LRRC4B: variants seen among roughly 807,000 people sequenced by gnomAD.
LRRC4B encodes the protein leucine rich repeat containing 4B.
A neutral mutation model predicts 7.3 loss-of-function variants in LRRC4B; 1 was observed. The ratio of observed to expected loss-of-function variants is 0.14; its 90% CI spans 0.05 to 0.65. The LOEUF is 0.65. Ranked by LOEUF, LRRC4B falls within the 30% of genes least tolerant of loss-of-function variation. The probability of loss-of-function intolerance (pLI) is 0.84; values close to 1 mark genes in which losing one functional copy is unlikely to be tolerated. For missense variants in LRRC4B, 730 were observed against 1,041.6 expected (o/e 0.70, Z 4.12); for synonymous variants, 500 against 499.2 (o/e 1.00, Z -0.02).
chr19:50,543,721 T>C (rs892818666), intron 2 of LRRC4B, among the ~76,000 whole-genome samples: 4 of 150,058 alleles, frequency 2.7e-5, no homozygotes, highest in African/African-American at 7.4e-5. Flanking sequence ...AGTGTCGTGG[T>C]GGGCACCTGT....
At chr19:50,545,880 T>C (rs1331482201) in intron 2 of LRRC4B, among the ~76,000 whole-genome samples, 1 of 151,868 alleles carries the variant, frequency 6.6e-6, no homozygotes, top group African/African-American at 2.4e-5. Context: ...CATGCCACCA[T>C]ACCTGGCTAA....
chr19:50,532,748 C>T (rs1473445101), intron 2 of LRRC4B, among the ~76,000 whole-genome samples: 2 of 152,112 alleles, frequency 1.3e-5, no homozygotes, highest in Admixed American at 6.5e-5. Context: ...TGTGTTGGGG[C>T]GACTTCTGCA....
chr19:50,518,149 A>T lies in LRRC4B; in HGVS notation c.1564T>A (p.Trp522Arg). Residue 522 changes from tryptophan to arginine, a missense_variant, in exon 3 of 3, where the codon TGG (tryptophan) becomes AGG (arginine). Coordinates refer to ENST00000652263, the MANE Select transcript of LRRC4B (RefSeq NM_001080457.2). ...EPPGPTTDGVWGGGRPGDAAG... is the reference protein window; with the variant it reads ...EPPGPTTDGVRGGGRPGDAAG... ...GCGTCCCCAGGCCGGCCCCCACCCC[A>T]GACACCGTCTGTCGTGGGCCCTGGC... is the stretch of plus-strand genomic sequence containing the variant. The T allele has an allele frequency of 6.2e-7, 1 of 1,604,838 alleles. No homozygotes were observed. Among genetic ancestry groups the T allele is most frequent in the Non-Finnish European group, 8.5e-7 (1 of 1,177,848 alleles).
intron 2 of LRRC4B, among the ~76,000 whole-genome samples, chr19:50,525,153 C>T (rs1418544330): frequency 1.3e-5 from 2 of 152,148 alleles, no homozygotes; most frequent in Non-Finnish European, 2.9e-5. Flanking sequence ...AATCCCGCCT[C>T]CCCCGTCCTG....
In LRRC4B at chr19:50,518,012, G is replaced by T. The variant is rs1379111165; in HGVS notation, c.1701C>A (p.Asp567Glu). ...TGGTGGTCTTCATGACGTCGTCCAG[G>T]TCCTTGAGGGCGTTCTCCGTCACAT... ...ITDVTENALK[D>E]LDDVMKTTKI... The change falls in exon 3 of 3, where the codon GAC (aspartate) becomes GAA (glutamate). Residue 567 changes from aspartate to glutamate, a missense_variant. Coordinates refer to ENST00000652263, the MANE Select transcript of LRRC4B (RefSeq NM_001080457.2). 1.3e-6 allele frequency: 2 copies of T among 1,545,544 alleles called. No homozygotes were observed. Among genetic ancestry groups the T allele is most frequent in the East Asian group, 4.5e-5 (2 of 44,196 alleles).
At chr19:50,520,203 C>CAAAAAA (rs1173919963) in intron 2 of LRRC4B, among the ~76,000 whole-genome samples, 1 of 9,380 alleles carries the variant, frequency 1.1e-4, no homozygotes, top group African/African-American at 4.6e-4. Context: ...AATACCCTGT[C>CAAAAAA]AAAAAAAAAA....
At chr19:50,539,344 A>G (rs1981443284) in intron 2 of LRRC4B, among the ~76,000 whole-genome samples, 1 of 152,166 alleles carries the variant, frequency 6.6e-6, no homozygotes, top group South Asian at 2.1e-4. Flanking sequence ...GCGACCTTGG[A>G]TAAGTCACTC....
intron 2 of LRRC4B, among the ~76,000 whole-genome samples, chr19:50,541,556 G>T (rs964684508): frequency 6.6e-6 from 1 of 151,984 alleles, no homozygotes; most frequent in African/African-American, 2.4e-5. Flanking sequence ...CTAAACGTTG[G>T]TAGTCGGGCC....
intron 1 of LRRC4B, chr19:50,550,854 C>G (rs1982025535): frequency 6.6e-6 from 1 of 152,320 alleles, no homozygotes; most frequent in South Asian, 2.1e-4. Context: ...AATGCCCAGT[C>G]CTTATCCTGG....
rs903959518 is a variant in LRRC4B, at chr19:50,568,362, C to T, written c.-454G>A. 2.0e-5 allele frequency among the ~76,000 whole-genome samples: 3 copies of T among 146,612 alleles called. No individual in the cohort carries two copies. The highest frequency in any genetic ancestry group is 7.5e-5 in the African/African-American group (3 of 39,866). On this transcript the variant is annotated 5_prime_UTR_variant, in exon 1 of 3. Coordinates refer to ENST00000652263, the MANE Select transcript of LRRC4B (RefSeq NM_001080457.2). ...ACCCCCCCCCAGGCCCCGGCCCCGG[C>T]CCCGGCCCCCGCCTCGGACGGTGCG...
At chr19:50,565,240 T>C (rs926088635) in intron 1 of LRRC4B, among the ~76,000 whole-genome samples, 2 of 152,202 alleles carry the variant, frequency 1.3e-5, no homozygotes, top group African/African-American at 4.8e-5. Flanking sequence ...GCTGCATCTC[T>C]GTAGCTCTGG....
At chr19:50,541,316 G>C (rs1240725853) in intron 2 of LRRC4B, among the ~76,000 whole-genome samples, 2 of 139,044 alleles carry the variant, frequency 1.4e-5, no homozygotes, top group African/African-American at 5.6e-5. Context: ...AGTGAGCCAA[G>C]ATTGCACCAC....
chr19:50,535,144 A>C (rs57306064), intron 2 of LRRC4B, among the ~76,000 whole-genome samples: 29,931 of 151,918 alleles, frequency 0.2, 3,200 homozygotes, highest in Middle Eastern at 0.23. Flanking sequence ...CTGGGATTAC[A>C]GGCGTGACCC....
At chr19:50,558,267 C>T (rs891020540) in intron 1 of LRRC4B, among the ~76,000 whole-genome samples, 1 of 151,834 alleles carries the variant, frequency 6.6e-6, no homozygotes, top group Non-Finnish European at 1.5e-5. Context: ...ACACATCACA[C>T]AAATTTCTGC....
At chr19:50,557,632 C>G (rs931131402) in intron 1 of LRRC4B, 1 of 151,908 alleles carries the variant, frequency 6.6e-6, no homozygotes, top group Non-Finnish European at 1.5e-5. Flanking sequence ...TACCCTGTGG[C>G]CACTCAGTTT....
At chr19:50,542,614 C>T (rs1981600856) in intron 2 of LRRC4B, among the ~76,000 whole-genome samples, 1 of 151,698 alleles carries the variant, frequency 6.6e-6, no homozygotes, top group Non-Finnish European at 1.5e-5. Flanking sequence ...GTAGCTGGGA[C>T]TACAGGCATA....
At chr19:50,528,242 T>G (rs1980903937) in intron 2 of LRRC4B, among the ~76,000 whole-genome samples, 1 of 151,994 alleles carries the variant, frequency 6.6e-6, no homozygotes, top group Non-Finnish European at 1.5e-5. Flanking sequence ...GGTCTTGCTG[T>G]GTTGCCCAGC....
chr19:50,521,415 G>A (rs995274364), intron 2 of LRRC4B, among the ~76,000 whole-genome samples: 1 of 151,998 alleles, frequency 6.6e-6, no homozygotes, highest in African/African-American at 2.4e-5. Flanking sequence ...TTCCATGCCA[G>A]TGATACATTA....
At chr19:50,528,447 C>T (rs1980912440) in intron 2 of LRRC4B, among the ~76,000 whole-genome samples, 2 of 151,948 alleles carry the variant, frequency 1.3e-5, no homozygotes, top group Non-Finnish European at 2.9e-5. Context: ...TGGGTTTAAG[C>T]AATTCTCCTG....
Sources: allele counts gnomAD v4.1 joint callset (sites outside exome capture counted in the v4.1 genomes callset), GRCh38; gene constraint gnomAD v4.1.1; transcripts MANE v1.5; gene names NCBI Gene and HGNC (gene_info 2026-07-23, HGNC 2026-07-21).